Variants in PRKCA observed in about 807,000 individuals in gnomAD.
The protein encoded by PRKCA is protein kinase C alpha type.
Under a neutral mutation model 87.0 loss-of-function variants are expected in PRKCA, and 27 were observed. That is an observed-to-expected ratio of 0.31 (90% CI 0.23 to 0.43). The LOEUF is 0.43. PRKCA is among the 20% of genes least tolerant of loss of function. PRKCA has a pLI of 1.00. For synonymous variants in PRKCA, 329 were observed against 311.1 expected (o/e 1.06, Z -0.61); for missense variants, 518 against 852.3 (o/e 0.61, Z 4.88).
intron 3 of PRKCA, among the ~76,000 whole-genome samples, chr17:66,526,271 T>C (rs944108933): frequency 6.6e-6 from 1 of 152,086 alleles, no homozygotes; most frequent in South Asian, 2.1e-4. Flanking sequence ...AAATAAGTGG[T>C]TTGGTTTATG....
chr17:66,511,072 G>A (rs1292726866), intron 3 of PRKCA, among the ~76,000 whole-genome samples: 1 of 150,632 alleles, frequency 6.6e-6, no homozygotes, highest in Admixed American at 6.6e-5. Flanking sequence ...TTTTTTTCGT[G>A]TCATAAAACA....
intron 5 of PRKCA, among the ~76,000 whole-genome samples, chr17:66,652,702 AT>A (rs1285241308): frequency 6.6e-6 from 1 of 152,168 alleles, no homozygotes. Context: ...AACTTGGGCA[AT>A]GATATCTATG....
chr17:66,682,868 TAGTA>T (rs1368838618), intron 5 of PRKCA, among the ~76,000 whole-genome samples: 1 of 152,242 alleles, frequency 6.6e-6, no homozygotes, highest in African/African-American at 2.4e-5. Context: ...TGCTCTTGCT[TAGTA>T]ACTCGGAATT....
chr17:66,388,342 T>C (rs1028558517), intron 2 of PRKCA, among the ~76,000 whole-genome samples: 3 of 152,036 alleles, frequency 2.0e-5, no homozygotes, highest in Admixed American at 2.0e-4. Flanking sequence ...TTGCCCAGAC[T>C]GGAGTGTAAT....
At chr17:66,752,750 G>A (rs143412024) in intron 13 of PRKCA, among the ~76,000 whole-genome samples, 1,812 of 152,288 alleles carry the variant, frequency 0.012, 14 homozygotes, top group Non-Finnish European at 0.019. Context: ...ACGCCACATG[G>A]GTTCTCCTCT....
chr17:66,777,623 C>T (rs1975089257), intron 14 of PRKCA: 2 of 985,188 alleles, frequency 2.0e-6, no homozygotes, highest in South Asian at 4.7e-5. Context: ...CCCTAAGAGT[C>T]CTGCTTTTCA....
chr17:66,347,360 T>C (rs1312092572), intron 2 of PRKCA, among the ~76,000 whole-genome samples: 1 of 151,722 alleles, frequency 6.6e-6, no homozygotes, highest in Non-Finnish European at 1.5e-5. Context: ...CTAACACATA[T>C]ATGTAATTGA....
chr17:66,590,264 C>T (rs1051170984), intron 3 of PRKCA, among the ~76,000 whole-genome samples: 8 of 151,994 alleles, frequency 5.3e-5, no homozygotes, highest in African/African-American at 1.9e-4. Flanking sequence ...ACACATCAGC[C>T]CTCTGTCTGA....
chr17:66,336,858 G>A (rs1468328994), intron 2 of PRKCA, among the ~76,000 whole-genome samples: 3 of 150,260 alleles, frequency 2.0e-5, no homozygotes, highest in African/African-American at 4.9e-5. Flanking sequence ...GCGTGATCTC[G>A]GCTTACTGCA....
At chr17:66,328,491 G>A (rs767255860) in intron 2 of PRKCA, among the ~76,000 whole-genome samples, 1 of 152,118 alleles carries the variant, frequency 6.6e-6, no homozygotes, top group Non-Finnish European at 1.5e-5. Context: ...GGGGAACATT[G>A]TGTGTTCTAG....
At chr17:66,563,603 G>A (rs756516411) in intron 3 of PRKCA, among the ~76,000 whole-genome samples, 23 of 152,154 alleles carry the variant, frequency 1.5e-4, no homozygotes, top group Non-Finnish European at 2.6e-4. Context: ...CAAGTCCTGT[G>A]CTCTTTTAAG....
intron 3 of PRKCA, among the ~76,000 whole-genome samples, chr17:66,594,335 G>C (rs923061077): frequency 7.9e-5 from 12 of 152,166 alleles, no homozygotes; most frequent in Non-Finnish European, 4.4e-5. Context: ...AGGACTGCAG[G>C]ATGTTTTAGA....
intron 3 of PRKCA, among the ~76,000 whole-genome samples, chr17:66,501,338 A>G (rs1303371922): frequency 2.0e-5 from 3 of 152,168 alleles, no homozygotes; most frequent in Non-Finnish European, 4.4e-5. Context: ...CCTCAGGCCA[A>G]TTTCTCAAGG....
chr17:66,562,106 TTATATATATAATTAAATATATATAATTA>T lies in PRKCA; in HGVS notation c.288+65824_288+65851del, dbSNP rs1968709968. On this transcript the variant is annotated intron_variant, in intron 3 of 16. Transcript: ENST00000413366. ...ATATAATTAAATATATATAATTAAATTATATATATAATTAAATATATATAATTAAATTATATATATAATTAAATTATAT... is the reference window on the plus strand; with the variant it reads ...ATATAATTAAATATATATAATTAAATAATTATATATATAATTAAATTATAT... Among the ~76,000 whole-genome samples the T allele has an allele frequency of 3.8e-5, 4 of 105,928 alleles. No individual in the cohort carries two copies. The East Asian group carries it at 9.9e-4, about 26-fold the overall frequency. 69.5% of individuals were successfully genotyped at this position (105,928 alleles called of 152,430 possible).
rs1248638790 is a variant in PRKCA, at chr17:66,733,017, G to A, written c.1056+192G>A. Among the ~76,000 whole-genome samples, 6 of 152,228 alleles carry A rather than the reference G, an allele frequency of 3.9e-5. No homozygotes were observed. The East Asian group carries it at 1.2e-3, about 30-fold the overall frequency. Reference sequence around the variant, plus strand: ...ATACAAAAAATTAGCTGGGCATGGTGGTGGGCGCCTGTAGTCCCAGCTACT... The same window carrying A: ...ATACAAAAAATTAGCTGGGCATGGTAGTGGGCGCCTGTAGTCCCAGCTACT... On this transcript the variant is annotated intron_variant, in intron 9 of 16. Coordinates refer to ENST00000413366, the MANE Select transcript of PRKCA (RefSeq NM_002737.3).
At chr17:66,418,776 G>T (rs947433324) in intron 2 of PRKCA, among the ~76,000 whole-genome samples, 3 of 151,456 alleles carry the variant, frequency 2.0e-5, no homozygotes, top group African/African-American at 7.3e-5. Context: ...TTTTAAGAGG[G>T]AGTCTCACTC....
chr17:66,333,468 C>T (rs1906473205), intron 2 of PRKCA, among the ~76,000 whole-genome samples: 1 of 152,144 alleles, frequency 6.6e-6, no homozygotes, highest in Non-Finnish European at 1.5e-5. Flanking sequence ...TCTGCATTAA[C>T]GTGATTTGAA....
chr17:66,505,334 A>G lies in PRKCA; in HGVS notation c.288+9051A>G, dbSNP rs537413973. ...ACCCACCAACCTCTGGCCACAGGGAAGAGGGAGGGATGAGTATTTGCCCCG... is the reference window on the plus strand; with the variant it reads ...ACCCACCAACCTCTGGCCACAGGGAGGAGGGAGGGATGAGTATTTGCCCCG... On this transcript the variant is annotated intron_variant, in intron 3 of 16. Transcript: ENST00000413366. Among the ~76,000 whole-genome samples the G allele has an allele frequency of 2.6e-5, 4 of 152,250 alleles. No individual in the cohort carries two copies. In the South Asian group the frequency reaches 8.3e-4, roughly 32 times the overall value.
Position 66,805,142 on chromosome 17 carries a change from G to A in PRKCA, c.*1105G>A. The A allele has an allele frequency of 1.0e-6, 1 of 983,272 alleles. No individual in the cohort carries two copies. Among genetic ancestry groups the A allele is most frequent in the Non-Finnish European group, 1.2e-6 (1 of 827,918 alleles). The allele number at this position is 983,272 out of a possible 1,614,324, so 60.9% of individuals were successfully genotyped here. ...GTCCACTTAGGGATAAAAAGAATAT[G>A]GTTTTGGTTCCCATTTCTAGTTCAC... On this transcript the variant is annotated 3_prime_UTR_variant, in exon 17 of 17. Transcript: ENST00000413366.
Sources: gnomAD v4.1 joint callset for allele counts (sites outside exome capture counted in the v4.1 genomes callset) on GRCh38, gnomAD v4.1.1 for gene constraint, MANE v1.5 for transcripts, NCBI Gene and HGNC (gene_info 2026-07-23, HGNC 2026-07-21) for gene names.